Variants in GBF1 observed in about 807,000 individuals in gnomAD.
GBF1 encodes Golgi-specific brefeldin A-resistance guanine nucleotide exchange factor 1.
GBF1 carries 114 observed loss-of-function variants against 210.5 expected under a neutral mutation model. The observed-to-expected ratio is 0.54, with a 90% confidence interval of 0.47 to 0.63. The LOEUF (loss-of-function observed/expected upper bound fraction) is 0.63, where lower values mean the gene tolerates loss of function less well. Ranked by LOEUF, GBF1 falls within the 30% of genes least tolerant of loss-of-function variation. The probability of loss-of-function intolerance (pLI) is 0.00; values close to 1 mark genes in which losing one functional copy is unlikely to be tolerated. For missense variants in GBF1, 1,851 were observed against 2,357.7 expected, an observed-to-expected ratio of 0.79 and a Z score of 4.45; for synonymous variants, 850 against 889.2, an observed-to-expected ratio of 0.96 and a Z score of 0.78.
At chr10:102,278,173 G>A (rs931246562) in intron 3 of GBF1, among the ~76,000 whole-genome samples, 2 of 152,100 alleles carry the variant, frequency 1.3e-5, no homozygotes, top group African/African-American at 4.8e-5. Context: ...TGGGAGGACT[G>A]CTTGAGCCCA....
chr10:102,286,194 GT>G (rs55904022), intron 3 of GBF1, among the ~76,000 whole-genome samples: 48,835 of 126,198 alleles, frequency 0.39, 8,803 homozygotes, highest in South Asian at 0.56. Context: ...AAGCATAAGG[GT>G]TTTTTTTTTT....
In GBF1 at chr10:102,368,325, G is replaced by A. The variant is rs768612927; in HGVS notation, c.2750G>A (p.Arg917His). Residue 917 changes from arginine (R) to histidine (H), a missense_variant, in exon 22 of 40, where the codon CGT (arginine) becomes CAT (histidine). Coordinates refer to ENST00000369983, the MANE Select transcript of GBF1 (RefSeq NM_001377137.1). ...GCCACCCCTGAGGGCATATTCCTGC[G>A]TGTGCCTACTGCCAGCTATGATCTT... is the stretch of plus-strand genomic sequence containing the variant. Reference protein sequence around the residue: ...RGATPEGIFLRVPTASYDLDL... With the variant: ...RGATPEGIFLHVPTASYDLDL... The A allele has an allele frequency of 2.4e-5, 39 of 1,613,560 alleles. No individual in the cohort carries two copies. Among genetic ancestry groups the A allele is most frequent in the Admixed American group, 1.3e-4 (8 of 60,004 alleles).
At chr10:102,371,921 GTC>G (rs2060227816) in intron 29 of GBF1, among the ~76,000 whole-genome samples, 1 of 141,188 alleles carries the variant, frequency 7.1e-6, no homozygotes, top group Admixed American at 7.2e-5. Context: ...GTGAGATTCT[GTC>G]TCAAAAAAAA....
At chr10:102,285,184 A>C (rs1371311767) in intron 3 of GBF1, among the ~76,000 whole-genome samples, 1 of 152,200 alleles carries the variant, frequency 6.6e-6, no homozygotes, top group African/African-American at 2.4e-5. Context: ...TCGAATTCTG[A>C]CTTGCCAAAA....
rs3802679 is a variant in GBF1 at position 102,355,277 on chromosome 10, C to T, written c.639+1623C>T. On this transcript the variant is annotated intron_variant, in intron 8 of 39. Transcript: ENST00000369983. ...CACCTAGCTAGATAGTCCATTGGCC[C>T]GTGTTCTCTTTGAATGCATTGTGTC... 2.8e-4 allele frequency among the ~76,000 whole-genome samples: 43 copies of T among 152,262 alleles called. 1 individual carries two copies. The East Asian group carries it at 4.8e-3, about 17-fold the overall frequency.
At chr10:102,260,953 ATATAT>A (rs2073127267) in intron 3 of GBF1, among the ~76,000 whole-genome samples, 1 of 151,982 alleles carries the variant, frequency 6.6e-6, no homozygotes, top group Non-Finnish European at 1.5e-5. Flanking sequence ...ACCTTATATA[ATATAT>A]TCATATGTTT....
At chr10:102,261,621 T>C (rs890888806) in intron 3 of GBF1, among the ~76,000 whole-genome samples, 2 of 149,366 alleles carry the variant, frequency 1.3e-5, no homozygotes, top group African/African-American at 5.0e-5. Flanking sequence ...CTTTCTTTTT[T>C]TTTTTTTTTT....
chr10:102,265,377 GTC>G (rs1328144620), intron 3 of GBF1, among the ~76,000 whole-genome samples: 3 of 152,128 alleles, frequency 2.0e-5, no homozygotes, highest in African/African-American at 4.8e-5. Flanking sequence ...GAGAGGAACA[GTC>G]TAAAAGTATC....
At chr10:102,310,685 A>T (rs2078334810) in intron 3 of GBF1, among the ~76,000 whole-genome samples, 1 of 152,192 alleles carries the variant, frequency 6.6e-6, no homozygotes, top group Non-Finnish European at 1.5e-5. Context: ...ACATTTGAGC[A>T]GGGATTGAGG....
chr10:102,235,953 A>G, the GBF1 span, among the ~76,000 whole-genome samples: 1 of 152,242 alleles, frequency 6.6e-6, no homozygotes, highest in Non-Finnish European at 1.5e-5. Context: ...TAGAGGAAAG[A>G]ATGAAGCCTT....
intron 3 of GBF1, among the ~76,000 whole-genome samples, chr10:102,273,934 A>G (rs556881604): frequency 5.3e-5 from 8 of 152,340 alleles, no homozygotes; most frequent in African/African-American, 1.9e-4. Context: ...TAGACATATC[A>G]TGTTAGACAT....
At chr10:102,346,784 G>T (rs2058604936) in intron 4 of GBF1, among the ~76,000 whole-genome samples, 1 of 152,222 alleles carries the variant, frequency 6.6e-6, no homozygotes, top group Admixed American at 6.5e-5. Flanking sequence ...TAGGATTACG[G>T]ATGTGAGCCA....
At chr10:102,268,342 AT>A (rs1307558296) in intron 3 of GBF1, among the ~76,000 whole-genome samples, 1 of 152,228 alleles carries the variant, frequency 6.6e-6, no homozygotes, top group Non-Finnish European at 1.5e-5. Flanking sequence ...CAGAAAAGGA[AT>A]TGTGTAAAAA....
the GBF1 span, among the ~76,000 whole-genome samples, chr10:102,237,875 C>A: frequency 6.6e-6 from 1 of 151,892 alleles, no homozygotes; most frequent in Admixed American, 6.6e-5. Flanking sequence ...TCCCGTACTG[C>A]CCTCCTCCCC....
chr10:102,314,450 T>C (rs1344483251), intron 3 of GBF1, among the ~76,000 whole-genome samples: 1 of 152,174 alleles, frequency 6.6e-6, no homozygotes, highest in Non-Finnish European at 1.5e-5. Flanking sequence ...CCCAGCAACC[T>C]GTCAATTATT....
At position 102,344,079 on chromosome 10, in the gene GBF1, C is replaced by T. The variant is rs2058371572; in HGVS notation, c.192C>T (p.Phe64=). The change falls in exon 4 of 40, where the codon TTC becomes TTT. Residue 64 remains phenylalanine, a synonymous_variant. Coordinates refer to ENST00000369983, the MANE Select transcript of GBF1 (RefSeq NM_001377137.1). ...TCTCAGAAATTGAGCCCAATGTATTCCTTCGACCTTTTCTGGAAGTGATTC... is the reference window on the plus strand; with the variant it reads ...TCTCAGAAATTGAGCCCAATGTATTTCTTCGACCTTTTCTGGAAGTGATTC... ...TELSEIEPNV[F]LRPFLEVIRS... is the part of the protein sequence containing the mutation. 8 of 1,612,100 alleles carry T rather than the reference C, an allele frequency of 5.0e-6. No homozygotes were observed. In the African/African-American group the frequency reaches 1.1e-4, roughly 22 times the overall value.
chr10:102,265,811 T>C (rs2073805333), intron 3 of GBF1, among the ~76,000 whole-genome samples: 1 of 152,080 alleles, frequency 6.6e-6, no homozygotes. Context: ...CTTCTTAGGG[T>C]GTGCGTGTGT....
intron 2 of GBF1, among the ~76,000 whole-genome samples, chr10:102,259,278 C>G (rs1164619172): frequency 6.6e-6 from 1 of 152,120 alleles, no homozygotes; most frequent in African/African-American, 2.4e-5. Flanking sequence ...TAAGCTAGTC[C>G]TGTGCTTGGG....
At chr10:102,321,107 C>A (rs944054576) in intron 3 of GBF1, among the ~76,000 whole-genome samples, 45 of 152,112 alleles carry the variant, frequency 3.0e-4, no homozygotes, top group African/African-American at 1.0e-3. Context: ...ATATTTAATT[C>A]TTAACCACTC....
Sources: gnomAD v4.1 joint callset for allele counts (sites outside exome capture counted in the v4.1 genomes callset) on GRCh38, gnomAD v4.1.1 for gene constraint, MANE v1.5 for transcripts, NCBI Gene and HGNC (gene_info 2026-07-23, HGNC 2026-07-21) for gene names.